Variants in STXBP5L observed in about 807,000 individuals in gnomAD.
STXBP5L encodes the protein syntaxin binding protein 5L.
In STXBP5L, 65 loss-of-function variants were observed where a neutral mutation model predicts 144.5. The ratio of observed to expected loss-of-function variants is 0.45; its 90% CI spans 0.37 to 0.55. STXBP5L has a LOEUF of 0.55. Among genes scored for constraint, STXBP5L ranks in the 20% least tolerant of loss-of-function variants. The probability of loss-of-function intolerance (pLI) is 0.00; values close to 1 mark genes in which losing one functional copy is unlikely to be tolerated. For missense variants in STXBP5L, 1,298 were observed against 1,405.5 expected (o/e 0.92, Z 1.22); for synonymous variants, 505 against 469.6 (o/e 1.08, Z -0.97).
chr3:121,008,693 A>G (rs906835542), intron 3 of STXBP5L, among the ~76,000 whole-genome samples: 2 of 152,008 alleles, frequency 1.3e-5, no homozygotes, highest in Non-Finnish European at 2.9e-5. Flanking sequence ...TTATGTGATA[A>G]TAGTACTACT....
intron 2 of STXBP5L, among the ~76,000 whole-genome samples, chr3:120,916,452 C>A (rs976084699): frequency 6.6e-6 from 1 of 152,094 alleles, no homozygotes; most frequent in Non-Finnish European, 1.5e-5. Flanking sequence ...AGGCGCCCAC[C>A]ACCACGCCCG....
At chr3:121,163,979 T>C (rs1294583172) in intron 9 of STXBP5L, among the ~76,000 whole-genome samples, 1 of 152,118 alleles carries the variant, frequency 6.6e-6, no homozygotes. Context: ...CAATTTAAAG[T>C]ATAAGCTTCA....
intron 20 of STXBP5L, chr3:121,324,513 G>C: frequency 1.4e-6 from 1 of 698,768 alleles, no homozygotes; most frequent in Non-Finnish European, 2.6e-6. Flanking sequence ...CAGAACCCCT[G>C]AGTCAGCACT....
At chr3:121,093,515 C>A (rs1035083075) in intron 5 of STXBP5L, among the ~76,000 whole-genome samples, 1 of 152,146 alleles carries the variant, frequency 6.6e-6, no homozygotes, top group Non-Finnish European at 1.5e-5. Flanking sequence ...GTATATGTGT[C>A]GAGGAATTTA....
chr3:121,043,812 C>A (rs1165147488), intron 4 of STXBP5L, among the ~76,000 whole-genome samples: 1 of 152,184 alleles, frequency 6.6e-6, no homozygotes, highest in Non-Finnish European at 1.5e-5. Flanking sequence ...ATAACATTGC[C>A]TTTGGCATGT....
chr3:121,046,697 G>A (rs1249458701), intron 5 of STXBP5L, among the ~76,000 whole-genome samples: 1 of 152,014 alleles, frequency 6.6e-6, no homozygotes, highest in Non-Finnish European at 1.5e-5. Flanking sequence ...TGTGGGGTTG[G>A]TGGTAATGTC....
chr3:121,031,471 T>C (rs886267117), intron 3 of STXBP5L, among the ~76,000 whole-genome samples: 1 of 151,954 alleles, frequency 6.6e-6, no homozygotes, highest in Admixed American at 6.6e-5. Context: ...GGCTGGCAAA[T>C]CCAAAATCTG....
At chr3:121,197,397 T>C (rs2047962132) in intron 9 of STXBP5L, among the ~76,000 whole-genome samples, 1 of 152,182 alleles carries the variant, frequency 6.6e-6, no homozygotes. Flanking sequence ...AATTTAGTTT[T>C]TATTTTCCAT....
At chr3:121,052,051 T>A (rs531465375) in intron 5 of STXBP5L, among the ~76,000 whole-genome samples, 1 of 152,302 alleles carries the variant, frequency 6.6e-6, no homozygotes, top group Admixed American at 6.5e-5. Flanking sequence ...AATATCTGAA[T>A]AGACCAATAA....
intron 5 of STXBP5L, among the ~76,000 whole-genome samples, chr3:121,064,856 T>C (rs1340491197): frequency 6.6e-6 from 1 of 152,180 alleles, no homozygotes; most frequent in African/African-American, 2.4e-5. Flanking sequence ...GTGAGCATAG[T>C]ACCAAATAGG....
At chr3:121,396,428 A>T (rs1440677974) in intron 22 of STXBP5L, among the ~76,000 whole-genome samples, 2 of 152,196 alleles carry the variant, frequency 1.3e-5, no homozygotes, top group African/African-American at 4.8e-5. Flanking sequence ...TCACCACAAA[A>T]CACTGCAAAA....
At chr3:121,381,674 C>A in intron 22 of STXBP5L, 142 bp downstream of exon 22, 1 of 1,044,724 alleles carries the variant, frequency 9.6e-7, no homozygotes, top group Non-Finnish European at 1.3e-6. Flanking sequence ...TTTTATACAT[C>A]ATATACCATC....
At chr3:121,347,616 T>C (rs1367752251) in intron 20 of STXBP5L, among the ~76,000 whole-genome samples, 1 of 152,192 alleles carries the variant, frequency 6.6e-6, no homozygotes, top group African/African-American at 2.4e-5. Flanking sequence ...CATTTCTTTG[T>C]ATCCTCTTTT....
At chr3:120,963,228 C>T (rs891307282) in intron 3 of STXBP5L, among the ~76,000 whole-genome samples, 1 of 152,160 alleles carries the variant, frequency 6.6e-6, no homozygotes, top group Non-Finnish European at 1.5e-5. Context: ...CAAACAGGGA[C>T]AATTTGACTT....
intron 14 of STXBP5L, among the ~76,000 whole-genome samples, chr3:121,249,126 G>A (rs2108358551): frequency 6.6e-6 from 1 of 151,906 alleles, no homozygotes; most frequent in South Asian, 2.1e-4. Context: ...TTCTTTTTTG[G>A]TTTCATATGA....
chr3:121,289,524 A>C (rs1317156082), intron 19 of STXBP5L, among the ~76,000 whole-genome samples: 1 of 152,148 alleles, frequency 6.6e-6, no homozygotes, highest in Non-Finnish European at 1.5e-5. Context: ...GAAACAATGG[A>C]CTTAAACTAT....
intron 14 of STXBP5L, among the ~76,000 whole-genome samples, chr3:121,243,886 A>AT (rs1338079558): frequency 6.6e-6 from 1 of 152,074 alleles, no homozygotes; most frequent in East Asian, 1.9e-4. Context: ...TGGTGAATTT[A>AT]TTTTTTCCGA....
At chr3:121,030,077 G>T (rs1438711416) in intron 3 of STXBP5L, among the ~76,000 whole-genome samples, 1 of 152,154 alleles carries the variant, frequency 6.6e-6, no homozygotes, top group Non-Finnish European at 1.5e-5. Context: ...TACACTGTTG[G>T]TGGGTGTGTA....
At chr3:120,912,332 A>G (rs969098089) in intron 2 of STXBP5L, among the ~76,000 whole-genome samples, 12 of 152,152 alleles carry the variant, frequency 7.9e-5, no homozygotes, top group African/African-American at 2.9e-4. Context: ...TCTTAAAATG[A>G]AAGTCTTATT....
Sources: gnomAD v4.1 joint callset for allele counts (sites outside exome capture counted in the v4.1 genomes callset) on GRCh38, gnomAD v4.1.1 for gene constraint, MANE v1.5 for transcripts, NCBI Gene and HGNC (gene_info 2026-07-23, HGNC 2026-07-21) for gene names.